Variants in SUPT16H observed in about 807,000 individuals in gnomAD.
The protein encoded by SUPT16H is SPT16 homolog, facilitates chromatin remodeling subunit.
A neutral mutation model predicts 136.2 loss-of-function variants in SUPT16H; 24 were observed. That is an observed-to-expected ratio of 0.18 (90% CI 0.13 to 0.25). SUPT16H has a LOEUF of 0.25. SUPT16H is among the 10% of genes least tolerant of loss of function. The pLI is 1.00. For synonymous variants in SUPT16H, 415 were observed against 428.2 expected (o/e 0.97, Z 0.38); for missense variants, 623 against 1,270.2 (o/e 0.49, Z 7.74).
intron 8 of SUPT16H, among the ~76,000 whole-genome samples, chr14:21,365,505 G>A (rs866530838): frequency 2.6e-5 from 4 of 152,122 alleles, no homozygotes; most frequent in South Asian, 2.1e-4. Context: ...AGATTAAAAG[G>A]GGCAATTTTT....
rs763164856 is a variant in SUPT16H at position 21,369,730 on chromosome 14, ACC to A, written c.630+18_630+19del. The A allele has an allele frequency of 5.0e-6, 8 of 1,612,784 alleles. No homozygotes were observed. The African/African-American group carries it at 1.1e-4, about 22-fold the overall frequency. ...ACTGCTTCATTAAAACAGTAAAAAG[ACC>A]CTCTCATCTCCATTTACCTCATCTG... On this transcript the variant is annotated intron_variant, in intron 5 of 25. Coordinates refer to ENST00000216297, the MANE Select transcript of SUPT16H (RefSeq NM_007192.4).
intron 7 of SUPT16H, among the ~76,000 whole-genome samples, chr14:21,366,760 C>T (rs1195473713): frequency 6.6e-6 from 1 of 151,764 alleles, no homozygotes; most frequent in African/African-American, 2.4e-5. Context: ...ATGATCCTCC[C>T]ACCTCAGCCT....
rs1269446785 is a variant in SUPT16H, at chr14:21,378,865, A to T, written c.66+4997T>A. Among the ~76,000 whole-genome samples, 5 of 152,328 alleles carry T rather than the reference A, an allele frequency of 3.3e-5. No homozygotes were observed. The East Asian group carries it at 9.6e-4, about 29-fold the overall frequency. ...ACTATATCTATTACTGATTAAAATA[A>T]TTTTGAAAGTGAGAGTTAAATAAAA... On this transcript the variant is annotated intron_variant, in intron 1 of 25. Coordinates refer to ENST00000216297, the MANE Select transcript of SUPT16H (RefSeq NM_007192.4).
intron 25 of SUPT16H, 88 bp from the exon 26 acceptor site, chr14:21,352,906 A>G: frequency 1.3e-6 from 2 of 1,563,892 alleles, no homozygotes; most frequent in South Asian, 2.3e-5. Flanking sequence ...CAGAGAATAC[A>G]CTTTGGAATC....
chr14:21,358,868 C>T (rs987909099), intron 19 of SUPT16H, among the ~76,000 whole-genome samples: 19 of 152,076 alleles, frequency 1.2e-4, no homozygotes, highest in African/African-American at 3.9e-4. Context: ...AGTGCGGTGG[C>T]GCGATCTTGG....
rs895543417 is a variant in SUPT16H, at chr14:21,358,094, C to G, written c.2415-92G>C. On this transcript the variant is annotated intron_variant, in intron 20 of 25. Transcript: ENST00000216297. ...ACTTCTTCCCTCTCCCCATTCCAAA[C>G]AGCTCCAGCATACTCACTGGAGACT... 4.2e-6 allele frequency: 5 copies of G among 1,184,212 alleles called. No individual in the cohort carries two copies. The African/African-American group carries it at 7.6e-5, about 18-fold the overall frequency. 73.4% of individuals were successfully genotyped at this position (1,184,212 alleles called of 1,614,324 possible).
At chr14:21,376,772 C>T (rs1241381839) in intron 1 of SUPT16H, among the ~76,000 whole-genome samples, 1 of 152,138 alleles carries the variant, frequency 6.6e-6, no homozygotes, top group Non-Finnish European at 1.5e-5. Flanking sequence ...AAATCCCAAA[C>T]CCTTGCATTT....
intron 15 of SUPT16H, among the ~76,000 whole-genome samples, chr14:21,361,791 G>A (rs995585148): frequency 1.3e-5 from 2 of 151,652 alleles, no homozygotes; most frequent in African/African-American, 4.8e-5. Flanking sequence ...TTTGAGACAA[G>A]GTCTCGTTCT....
chr14:21,363,514 AAGG>A lies in SUPT16H; in HGVS notation c.1234-14_1234-12del, dbSNP rs1886601418. 11 of 1,609,558 alleles carry A rather than the reference AAGG, an allele frequency of 6.8e-6. No homozygotes were observed. The highest frequency in any genetic ancestry group is 9.3e-6 in the Non-Finnish European group (11 of 1,178,646). ...AGTAGCTGGGCCATCCTAGAATTAAAAGGAGAATGAAGACACATTATTTAAAAG... is the reference window on the plus strand; with the variant it reads ...AGTAGCTGGGCCATCCTAGAATTAAAAGAATGAAGACACATTATTTAAAAG... On this transcript the variant is annotated splice_polypyrimidine_tract_variant and intron_variant, in intron 10 of 25. Coordinates refer to ENST00000216297, the MANE Select transcript of SUPT16H (RefSeq NM_007192.4).
At chr14:21,369,564 A>T in intron 5 of SUPT16H, 186 bp downstream of exon 5, 1 of 975,116 alleles carries the variant, frequency 1.0e-6, no homozygotes. Flanking sequence ...AAGTAAAATA[A>T]TGGGTTACCT....
At chr14:21,380,395 G>A (rs1397958801) in intron 1 of SUPT16H, among the ~76,000 whole-genome samples, 1 of 147,716 alleles carries the variant, frequency 6.8e-6, no homozygotes, top group Non-Finnish European at 1.5e-5. Flanking sequence ...CTCAGCCTCT[G>A]GAGTAGCTGG....
At chr14:21,366,641 T>C in intron 7 of SUPT16H, 112 bp from the exon 8 acceptor site, 1 of 936,696 alleles carries the variant, frequency 1.1e-6, no homozygotes, top group Non-Finnish European at 1.6e-6. Context: ...AAGTGTGAAC[T>C]AAACAGTCCA....
chr14:21,370,772 C>A (rs549629194), intron 3 of SUPT16H, among the ~76,000 whole-genome samples: 1 of 151,936 alleles, frequency 6.6e-6, no homozygotes, highest in East Asian at 1.9e-4. Flanking sequence ...TACCACCATG[C>A]CTGGATAAAT....
intron 3 of SUPT16H, 63 bp downstream of exon 3, chr14:21,371,811 A>G (rs1296850429): frequency 2.8e-5 from 45 of 1,592,310 alleles, no homozygotes; most frequent in Non-Finnish European, 6.8e-6. Context: ...CCTATAAGGC[A>G]TTTCTGTTCA....
chr14:21,358,541 G>C, intron 19 of SUPT16H, 114 bp from the exon 20 acceptor site: 1 of 689,792 alleles, frequency 1.4e-6, no homozygotes. Context: ...TTTAAGTTCA[G>C]GAGTGCATGG....
intron 1 of SUPT16H, among the ~76,000 whole-genome samples, chr14:21,375,817 T>C (rs564530250): frequency 6.6e-6 from 1 of 152,350 alleles, no homozygotes; most frequent in Non-Finnish European, 1.5e-5. Context: ...GGTCTTGAAC[T>C]CCTGACCTCA....
chr14:21,381,976 GAA>G (rs1461576018), intron 1 of SUPT16H, among the ~76,000 whole-genome samples: 1 of 151,982 alleles, frequency 6.6e-6, no homozygotes, highest in Non-Finnish European at 1.5e-5. Flanking sequence ...GTGTAAAAGA[GAA>G]AAGTTATACA....
At position 21,357,181 on chromosome 14, in the gene SUPT16H, T is replaced by C. The variant is rs771121415; in HGVS notation, c.2660+16A>G. The stretch of plus-strand genomic sequence containing the variant: ...GCTCATGGGCTAAATGGGAGACTGA[T>C]GGCAGATTTACTTACTTCAACCATT... On this transcript the variant is annotated intron_variant, in intron 22 of 25. Transcript: ENST00000216297. 2 of 1,554,886 alleles carry C rather than the reference T, an allele frequency of 1.3e-6. No homozygotes were observed. The highest frequency in any genetic ancestry group is 1.9e-5 in the Admixed American group (1 of 52,680).
In SUPT16H at chr14:21,353,579, A is replaced by T; in HGVS notation, c.2921-14T>A. 2 of 1,612,988 alleles carry T rather than the reference A, an allele frequency of 1.2e-6. No homozygotes were observed. The highest frequency in any genetic ancestry group is 1.7e-6 in the Non-Finnish European group (2 of 1,179,612). ...CCTTAGAATAGTCTGGAAGAAAATT[A>T]ATTAAGCGTTAGTCATCATGCGGGA... On this transcript the variant is annotated splice_polypyrimidine_tract_variant and intron_variant, in intron 24 of 25. Transcript: ENST00000216297.
Sources: gnomAD v4.1 joint callset for allele counts (sites outside exome capture counted in the v4.1 genomes callset) on GRCh38, gnomAD v4.1.1 for gene constraint, MANE v1.5 for transcripts, NCBI Gene and HGNC (gene_info 2026-07-23, HGNC 2026-07-21) for gene names.